The following LRIG1 variants were observed in gnomAD, a reference collection of about 807,000 sequenced individuals.
LRIG1 encodes leucine-rich repeats and immunoglobulin-like domains protein 1.
LRIG1 carries 48 observed loss-of-function variants against 99.2 expected under a neutral mutation model. The ratio of observed to expected loss-of-function variants is 0.48; its 90% confidence interval spans 0.38 to 0.62. The LOEUF is 0.62. Ranked by LOEUF, LRIG1 falls within the 20% of genes least tolerant of loss-of-function variation. LRIG1 has a pLI of 0.00. For synonymous variants in LRIG1, 772 were observed against 596.1 expected, an observed-to-expected ratio of 1.29 and a Z score of -4.30; for missense variants, 1,646 against 1,434.4, an observed-to-expected ratio of 1.15 and a Z score of -2.38.
intron 8 of LRIG1, chr3:66,405,743 G>A (rs779043167): frequency 2.1e-5 from 23 of 1,119,470 alleles, no homozygotes; most frequent in Middle Eastern, 2.6e-4. Flanking sequence ...GCCCGTGGGC[G>A]CCTCCGTACC....
intron 15 of LRIG1, among the ~76,000 whole-genome samples, 155 bp downstream of exon 15, chr3:66,382,827 G>A (rs894053954): frequency 6.6e-6 from 1 of 152,190 alleles, no homozygotes; most frequent in African/African-American, 2.4e-5. Flanking sequence ...TTAAGGTTAA[G>A]TTCCTCAAAG....
chr3:66,458,576 T>C (rs1408881280), intron 2 of LRIG1, among the ~76,000 whole-genome samples: 1 of 151,582 alleles, frequency 6.6e-6, no homozygotes, highest in Non-Finnish European at 1.5e-5. Context: ...GTGGTGCACA[T>C]CTGTAATCCC....
intron 12 of LRIG1, among the ~76,000 whole-genome samples, chr3:66,391,304 A>T (rs1003913026): frequency 6.6e-5 from 10 of 152,220 alleles, no homozygotes; most frequent in African/African-American, 2.4e-4. Flanking sequence ...CAGCAATTCC[A>T]TTCCTAGGTT....
chr3:66,452,745 A>C (rs1394203315), intron 2 of LRIG1, among the ~76,000 whole-genome samples: 1 of 151,786 alleles, frequency 6.6e-6, no homozygotes, highest in African/African-American at 2.4e-5. Context: ...AGTGAATAGG[A>C]GAAGGAAAAA....
rs138317719 is a variant in LRIG1, at chr3:66,442,448, GGGAGGA to G, written c.365+9105_365+9110del. Among the ~76,000 whole-genome samples the G allele has an allele frequency of 4.2e-3, 639 of 151,660 alleles. 5 individuals are homozygous for G. The highest frequency in any genetic ancestry group is 0.024 in the Middle Eastern group (7 of 294). On this transcript the variant is annotated intron_variant, in intron 3 of 18. Coordinates refer to ENST00000273261, the MANE Select transcript of LRIG1 (RefSeq NM_015541.3). ...AAGCCACCTGCAGGAAGTGAGGAGGGGGAGGAGGAGGAGGAGGAGGAGGAGGAAATG... is the reference window on the plus strand; with the variant it reads ...AAGCCACCTGCAGGAAGTGAGGAGGGGGAGGAGGAGGAGGAGGAGGAAATG...
At position 66,483,610 on chromosome 3, in the gene LRIG1, G is replaced by A. The variant is rs183664514; in HGVS notation, c.218+16580C>T. On this transcript the variant is annotated intron_variant, in intron 1 of 18. Transcript: ENST00000273261. ...GAGCAAAGTAAGAGCTCAAGCAACC[G>A]AAACCAGCTGCCTGGCGAGGGCTCA... is the stretch of plus-strand genomic sequence containing the variant. 3.2e-4 allele frequency among the ~76,000 whole-genome samples: 49 copies of A among 152,326 alleles called. No individual in the cohort carries two copies. The East Asian group carries it at 8.3e-3, about 26-fold the overall frequency.
intron 3 of LRIG1, among the ~76,000 whole-genome samples, chr3:66,447,358 T>C (rs1411106129): frequency 6.6e-6 from 1 of 152,168 alleles, no homozygotes; most frequent in East Asian, 1.9e-4. Flanking sequence ...TGCCTCCCCA[T>C]GTCCCTGGGT....
chr3:66,386,387 C>A, intron 12 of LRIG1, 86 bp from the exon 13 acceptor site: 1 of 1,160,012 alleles, frequency 8.6e-7, no homozygotes. Context: ...GAAACTGACA[C>A]AGACACCAAG....
At position 66,500,089 on chromosome 3, in the gene LRIG1, C is replaced by T. The variant is rs1701321501; in HGVS notation, c.218+101G>A. ...ACAAGCACGCACAACTCCACACACA[C>T]AACCCAGTCCGCACCCCCTCCCTGA... On this transcript the variant is annotated intron_variant, in intron 1 of 18. Coordinates refer to ENST00000273261, the MANE Select transcript of LRIG1 (RefSeq NM_015541.3). 7.7e-6 allele frequency: 7 copies of T among 911,612 alleles called. No homozygotes were observed. The South Asian group carries it at 8.4e-5, about 11-fold the overall frequency. The allele number at this position is 911,612 out of a possible 1,614,324, so 56.5% of individuals were successfully genotyped here.
At chr3:66,482,369 G>A (rs565240002) in intron 1 of LRIG1, among the ~76,000 whole-genome samples, 12 of 152,314 alleles carry the variant, frequency 7.9e-5, no homozygotes, top group Admixed American at 7.2e-4. Flanking sequence ...ATGATGTACT[G>A]GGCTGAGCAT....
chr3:66,448,087 C>G (rs9860036), intron 3 of LRIG1, among the ~76,000 whole-genome samples: 5,733 of 152,292 alleles, frequency 0.038, 350 homozygotes, highest in African/African-American at 0.13. Context: ...ATCCTCAGAA[C>G]ACAATGCAAA....
chr3:66,383,862 AG>A (rs1701230118), intron 14 of LRIG1, 128 bp downstream of exon 14: 3 of 1,334,142 alleles, frequency 2.2e-6, no homozygotes, highest in South Asian at 1.6e-5. Flanking sequence ...CTCAAAAAGC[AG>A]CCCCAAATTT....
In LRIG1 at chr3:66,379,323, C is replaced by G. The variant is rs1036035512; in HGVS notation, c.*940G>C. The G allele has an allele frequency of 1.3e-5, 2 of 152,498 alleles. No homozygotes were observed. Among genetic ancestry groups the G allele is most frequent in the Admixed American group, 6.5e-5 (1 of 15,276 alleles). 9.4% of individuals were successfully genotyped at this position (152,498 alleles called of 1,614,324 possible). On this transcript the variant is annotated 3_prime_UTR_variant, in exon 19 of 19. Transcript: ENST00000273261. ...TAGAAATAAGGTAGCCCTGAAAAGT[C>G]AGAACTTCCTCCTTTCTGTCCCCCA...
intron 5 of LRIG1, among the ~76,000 whole-genome samples, chr3:66,413,423 C>T (rs995874034): frequency 7.2e-5 from 11 of 152,228 alleles, no homozygotes; most frequent in African/African-American, 2.4e-4. Flanking sequence ...CAGAAATCCA[C>T]ACCACATGCC....
intron 3 of LRIG1, among the ~76,000 whole-genome samples, chr3:66,448,105 G>A (rs1418046096): frequency 6.6e-6 from 1 of 152,194 alleles, no homozygotes. Flanking sequence ...AAATAAATCT[G>A]TTCTTTGACA....
intron 12 of LRIG1, among the ~76,000 whole-genome samples, chr3:66,388,467 C>T (rs1176582050): frequency 1.3e-5 from 2 of 151,578 alleles, no homozygotes; most frequent in Non-Finnish European, 2.9e-5. Flanking sequence ...AACAATGGCC[C>T]CAAATTTGAT....
At position 66,500,306 on chromosome 3, in the gene LRIG1, C is replaced by G. The variant is rs1254090224; in HGVS notation, c.102G>C (p.Ala34=). 1 of 1,475,376 alleles carries G rather than the reference C, an allele frequency of 6.8e-7. No homozygotes were observed. The highest frequency in any genetic ancestry group is 8.9e-7 in the Non-Finnish European group (1 of 1,117,366). 91.4% of individuals were successfully genotyped at this position (1,475,376 alleles called of 1,614,324 possible). The change falls in exon 1 of 19, where the codon GCG becomes GCC. Residue 34 remains alanine, a synonymous_variant. Transcript: ENST00000273261. ...CCGCGCAGGGCGCCCGCGGGCCGGCCGCGGCGGTCACCGGCTCCAGCCGAA... is the reference window on the plus strand; with the variant it reads ...CCGCGCAGGGCGCCCGCGGGCCGGCGGCGGCGGTCACCGGCTCCAGCCGAA... ...LLLRLEPVTA[A]AGPRAPCAAA...
chr3:66,397,448 T>TAA (rs386396916), intron 11 of LRIG1, among the ~76,000 whole-genome samples: 34,016 of 131,186 alleles, frequency 0.26, 4,638 homozygotes, highest in African/African-American at 0.33. Flanking sequence ...CATGTCTAGC[T>TAA]AAAAAAAAAA....
intron 2 of LRIG1, among the ~76,000 whole-genome samples, chr3:66,456,262 T>C (rs1700218097): frequency 6.6e-6 from 1 of 152,182 alleles, no homozygotes; most frequent in Admixed American, 6.5e-5. Flanking sequence ...TCTCAGGATA[T>C]TGACAGATAC....
Sources: gnomAD v4.1 joint callset for allele counts (sites outside exome capture counted in the v4.1 genomes callset) on GRCh38, gnomAD v4.1.1 for gene constraint, MANE v1.5 for transcripts, NCBI Gene and HGNC (gene_info 2026-07-23, HGNC 2026-07-21) for gene names.